Variants in SORCS1 observed in about 807,000 individuals in gnomAD.
SORCS1 encodes the protein VPS10 domain-containing receptor SorCS1.
SORCS1 carries 60 observed loss-of-function variants against 146.1 expected under a neutral mutation model. The ratio of observed to expected loss-of-function variants is 0.41; its 90% CI spans 0.33 to 0.51. The LOEUF (loss-of-function observed/expected upper bound fraction) is 0.51. SORCS1 is among the 20% of genes least tolerant of loss of function. SORCS1 has a pLI of 0.21. For synonymous variants in SORCS1, 637 were observed against 584.0 expected (o/e 1.09, Z -1.31); for missense variants, 1,352 against 1,487.6 (o/e 0.91, Z 1.50).
chr10:106,796,399 A>G (rs1015846326), intron 3 of SORCS1, among the ~76,000 whole-genome samples: 1 of 152,088 alleles, frequency 6.6e-6, no homozygotes, highest in East Asian at 1.9e-4. Flanking sequence ...TCTTCTTGAC[A>G]TACAATGTTT....
intron 1 of SORCS1, among the ~76,000 whole-genome samples, chr10:107,152,686 G>T (rs1968922871): frequency 6.6e-6 from 1 of 152,136 alleles, no homozygotes. Context: ...TTCCCCTTCT[G>T]CCATGATTGT....
At chr10:106,709,610 G>A (rs557597669) in intron 6 of SORCS1, among the ~76,000 whole-genome samples, 50 of 151,962 alleles carry the variant, frequency 3.3e-4, no homozygotes, top group Admixed American at 1.7e-3. Context: ...CACAATGCCC[G>A]GCTAATTTTT....
chr10:106,587,521 C>G (rs190388105), intron 24 of SORCS1, among the ~76,000 whole-genome samples: 7 of 152,236 alleles, frequency 4.6e-5, no homozygotes, highest in African/African-American at 1.7e-4. Flanking sequence ...GTGCAGAATT[C>G]ATGATGTATC....
chr10:106,935,086 TA>T (rs1322354283), intron 2 of SORCS1, among the ~76,000 whole-genome samples: 1 of 151,080 alleles, frequency 6.6e-6, no homozygotes, highest in Non-Finnish European at 1.5e-5. Context: ...TACTTACAAA[TA>T]AAAAAAAGAA....
chr10:106,814,011 T>C (rs1362971995), intron 3 of SORCS1, among the ~76,000 whole-genome samples: 2 of 152,182 alleles, frequency 1.3e-5, no homozygotes, highest in African/African-American at 2.4e-5. Context: ...TTATCTATTA[T>C]ATTCATTCAT....
At chr10:106,952,542 A>ATAT (rs1954734184) in intron 2 of SORCS1, among the ~76,000 whole-genome samples, 15 of 143,054 alleles carry the variant, frequency 1.0e-4, no homozygotes, top group African/African-American at 2.5e-4. Flanking sequence ...ATGACACATT[A>ATAT]TATATTATAT....
At chr10:107,005,038 G>T (rs1295060904) in intron 1 of SORCS1, among the ~76,000 whole-genome samples, 2 of 152,150 alleles carry the variant, frequency 1.3e-5, no homozygotes, top group East Asian at 3.8e-4. Context: ...CCTATATAGA[G>T]TAAGAGCCCC....
chr10:107,084,828 A>T (rs1266286123), intron 1 of SORCS1, among the ~76,000 whole-genome samples: 3 of 152,170 alleles, frequency 2.0e-5, no homozygotes, highest in Non-Finnish European at 4.4e-5. Flanking sequence ...ATTTTTATAA[A>T]CTACAGCTTC....
At chr10:106,934,598 A>G (rs1453817787) in intron 2 of SORCS1, among the ~76,000 whole-genome samples, 1 of 152,186 alleles carries the variant, frequency 6.6e-6, no homozygotes, top group Non-Finnish European at 1.5e-5. Flanking sequence ...TAGATCTACC[A>G]TTCAATCCAG....
intron 4 of SORCS1, among the ~76,000 whole-genome samples, chr10:106,763,150 A>G (rs149987859): frequency 6.6e-6 from 1 of 152,324 alleles, no homozygotes; most frequent in East Asian, 1.9e-4. Flanking sequence ...TCAAAATAAT[A>G]ATATGTCTGG....
chr10:106,895,880 T>G (rs1376361303), intron 2 of SORCS1, among the ~76,000 whole-genome samples: 3 of 152,106 alleles, frequency 2.0e-5, no homozygotes, highest in Non-Finnish European at 2.9e-5. Context: ...AACTACTCAC[T>G]GATGAATGGA....
chr10:106,590,687 C>T (rs1247754215), intron 24 of SORCS1, among the ~76,000 whole-genome samples: 2 of 152,138 alleles, frequency 1.3e-5, no homozygotes, highest in African/African-American at 4.8e-5. Context: ...TGGAGTCTTG[C>T]TCTGTTGCCC....
intron 5 of SORCS1, among the ~76,000 whole-genome samples, chr10:106,735,121 G>A (rs1287958967): frequency 6.8e-6 from 1 of 146,144 alleles, no homozygotes; most frequent in Non-Finnish European, 1.5e-5. Context: ...ACTCCAGGCT[G>A]GGCGACAAGA....
chr10:106,656,179 T>G (rs1398705605), intron 17 of SORCS1, among the ~76,000 whole-genome samples: 1 of 152,220 alleles, frequency 6.6e-6, no homozygotes, highest in Admixed American at 6.5e-5. Flanking sequence ...CCTATTTTGA[T>G]ATGCTTCTGT....
intron 1 of SORCS1, among the ~76,000 whole-genome samples, chr10:107,071,564 C>A (rs901496802): frequency 1.3e-5 from 2 of 152,152 alleles, no homozygotes; most frequent in Admixed American, 6.5e-5. Flanking sequence ...AAAATGTGAT[C>A]TTTTCTTTGT....
intron 22 of SORCS1, among the ~76,000 whole-genome samples, chr10:106,611,097 A>T (rs999221799): frequency 2.0e-5 from 3 of 152,076 alleles, no homozygotes; most frequent in Admixed American, 1.3e-4. Context: ...AAAAAAAAAA[A>T]GTAGAACAAG....
At chr10:106,834,917 C>T (rs1175621048) in intron 2 of SORCS1, among the ~76,000 whole-genome samples, 3 of 152,180 alleles carry the variant, frequency 2.0e-5, no homozygotes, top group Non-Finnish European at 4.4e-5. Flanking sequence ...AATAAGCATT[C>T]CATGAAAATA....
chr10:106,771,218 G>GA (rs1859999447), intron 4 of SORCS1, among the ~76,000 whole-genome samples: 1 of 147,694 alleles, frequency 6.8e-6, no homozygotes. Flanking sequence ...CTTCTCTCCT[G>GA]TTTTTTTTTT....
intron 3 of SORCS1, among the ~76,000 whole-genome samples, chr10:106,788,106 G>C (rs1026948525): frequency 4.9e-5 from 7 of 141,862 alleles, no homozygotes; most frequent in Non-Finnish European, 9.5e-5. Flanking sequence ...GATATGACTT[G>C]GATGATAAAT....
Sources: gnomAD v4.1 joint callset for allele counts (sites outside exome capture counted in the v4.1 genomes callset) on GRCh38, gnomAD v4.1.1 for gene constraint, MANE v1.5 for transcripts, NCBI Gene and HGNC (gene_info 2026-07-23, HGNC 2026-07-21) for gene names.